CHD2: variants seen among roughly 807,000 people sequenced by gnomAD.
CHD2 encodes the protein ATP-dependent chromatin remodeler CHD2.
In CHD2, 28 loss-of-function variants were observed where a neutral mutation model predicts 243.9. That is an observed-to-expected ratio of 0.11 (90% CI 0.09 to 0.16). CHD2 has a LOEUF of 0.16. CHD2 is among the 10% of genes least tolerant of loss of function. The probability of loss-of-function intolerance (pLI) is 1.00; values close to 1 mark genes in which losing one functional copy is unlikely to be tolerated. For missense variants in CHD2, 1,386 were observed against 2,209.8 expected, an observed-to-expected ratio of 0.63 and a Z score of 7.47; for synonymous variants, 775 against 779.0, an observed-to-expected ratio of 0.99 and a Z score of 0.09.
At chr15:93,008,429 G>A (rs984851819) in intron 34 of CHD2, among the ~76,000 whole-genome samples, 8 of 152,136 alleles carry the variant, frequency 5.3e-5, no homozygotes, top group Non-Finnish European at 1.0e-4. Context: ...TTTTTAAACC[G>A]CTCCCCATTT....
chr15:92,965,130 G>A (rs2053739789), intron 16 of CHD2: 1 of 152,166 alleles, frequency 6.6e-6, no homozygotes, highest in Admixed American at 6.5e-5. Flanking sequence ...GTTGATAGCA[G>A]GGATTTATCT....
intron 13 of CHD2, among the ~76,000 whole-genome samples, chr15:92,949,724 A>G (rs989634353): frequency 2.0e-5 from 3 of 152,328 alleles, no homozygotes; most frequent in Non-Finnish European, 2.9e-5. Context: ...CCTAATTACT[A>G]AGTGCTAGGT....
At chr15:92,921,027 T>C (rs1423457041) in intron 2 of CHD2, among the ~76,000 whole-genome samples, 5 of 151,972 alleles carry the variant, frequency 3.3e-5, no homozygotes, top group South Asian at 4.1e-4. Flanking sequence ...GCTAAAAGTA[T>C]AGAGAGCCAG....
chr15:92,940,520 T>C (rs577931503), intron 7 of CHD2, among the ~76,000 whole-genome samples: 1 of 151,932 alleles, frequency 6.6e-6, no homozygotes, highest in South Asian at 2.1e-4. Context: ...AGAAATCAAG[T>C]ATTTTTTTTT....
intron 24 of CHD2, among the ~76,000 whole-genome samples, 167 bp from the exon 25 acceptor site, chr15:92,984,163 T>TG (rs1298824394): frequency 6.6e-6 from 1 of 152,178 alleles, no homozygotes; most frequent in Non-Finnish European, 1.5e-5. Context: ...AGTTGATTTT[T>TG]GGGGGTATAA....
intron 28 of CHD2, among the ~76,000 whole-genome samples, chr15:92,995,698 A>G (rs944675389): frequency 6.6e-6 from 1 of 152,216 alleles, no homozygotes; most frequent in African/African-American, 2.4e-5. Flanking sequence ...GTTATTATAA[A>G]GAAAGTCACA....
intron 38 of CHD2, among the ~76,000 whole-genome samples, chr15:93,023,535 A>G (rs1015319038): frequency 3.1e-4 from 47 of 152,170 alleles, no homozygotes; most frequent in African/African-American, 1.1e-3. Context: ...TGGGAGTGGA[A>G]TTATTAGTCA....
At chr15:92,916,446 AT>A (rs1463624260) in intron 2 of CHD2, among the ~76,000 whole-genome samples, 1 of 152,194 alleles carries the variant, frequency 6.6e-6, no homozygotes, top group Non-Finnish European at 1.5e-5. Flanking sequence ...TATATGGATT[AT>A]TTAGGTTTTG....
intron 37 of CHD2, among the ~76,000 whole-genome samples, chr15:93,018,042 C>T (rs1314492272): frequency 1.3e-5 from 2 of 152,112 alleles, no homozygotes; most frequent in Non-Finnish European, 2.9e-5. Flanking sequence ...ATTTACCTCA[C>T]AGAGGGTTTA....
At chr15:92,980,351 G>C (rs2053963737) in intron 22 of CHD2, among the ~76,000 whole-genome samples, 1 of 151,294 alleles carries the variant, frequency 6.6e-6, no homozygotes, top group East Asian at 1.9e-4. Flanking sequence ...GTGAGCCATT[G>C]TGCCCGCTGC....
intron 16 of CHD2, among the ~76,000 whole-genome samples, chr15:92,963,238 C>T (rs911491427): frequency 1.3e-5 from 2 of 152,172 alleles, no homozygotes. Flanking sequence ...ATATGTCTTA[C>T]ATCTTTTTTG....
chr15:92,953,296 A>G (rs1596404926), intron 13 of CHD2, 61 bp from the exon 14 acceptor site: 1 of 1,393,372 alleles, frequency 7.2e-7, no homozygotes, highest in Non-Finnish European at 1.0e-6. Flanking sequence ...CTGTTTATGC[A>G]CATTCTGTGT....
chr15:92,967,597 T>C (rs1167507662), intron 17 of CHD2, 84 bp downstream of exon 17: 8 of 952,898 alleles, frequency 8.4e-6, no homozygotes, highest in Middle Eastern at 3.7e-4. Flanking sequence ...TATATACTTT[T>C]GTTTTTTTTT....
At chr15:92,925,150 AT>A (rs771675753) in intron 3 of CHD2, among the ~76,000 whole-genome samples, 27 of 152,194 alleles carry the variant, frequency 1.8e-4, no homozygotes, top group Non-Finnish European at 3.7e-4. Context: ...AGTTAATAAT[AT>A]GTAGTTATAG....
intron 22 of CHD2, among the ~76,000 whole-genome samples, chr15:92,980,099 C>T (rs1034343977): frequency 7.3e-5 from 11 of 151,582 alleles, no homozygotes; most frequent in Middle Eastern, 3.4e-3. Context: ...GGTTGGAGTG[C>T]GCTGGCACGA....
intron 5 of CHD2, among the ~76,000 whole-genome samples, chr15:92,931,399 A>G (rs2053163527): frequency 1.3e-5 from 2 of 152,148 alleles, no homozygotes; most frequent in Non-Finnish European, 2.9e-5. Context: ...TTTATTTAAG[A>G]GAGAGGGTCT....
At chr15:92,932,563 G>A (rs1013522379) in intron 5 of CHD2, among the ~76,000 whole-genome samples, 3 of 151,068 alleles carry the variant, frequency 2.0e-5, no homozygotes, top group East Asian at 2.0e-4. Context: ...CTGTCCTTGC[G>A]ATAGTTTGCT....
At chr15:92,984,621 G>A in intron 25 of CHD2, 121 bp downstream of exon 25, 1 of 832,458 alleles carries the variant, frequency 1.2e-6, no homozygotes. Context: ...CAGGAGCAGA[G>A]TTGATACTGT....
chr15:92,912,430 T>C (rs1045242890), intron 2 of CHD2, among the ~76,000 whole-genome samples: 8 of 152,188 alleles, frequency 5.3e-5, no homozygotes, highest in East Asian at 1.9e-4. Context: ...AGTCTCGGCT[T>C]ACTGTAACCT....
Sources: gnomAD v4.1 joint callset for allele counts (sites outside exome capture counted in the v4.1 genomes callset) on GRCh38, gnomAD v4.1.1 for gene constraint, MANE v1.5 for transcripts, NCBI Gene and HGNC (gene_info 2026-07-23, HGNC 2026-07-21) for gene names.